RABGAP1L: variants seen among roughly 807,000 people sequenced by gnomAD.
RABGAP1L encodes the protein RAB GTPase activating protein 1 like, also known as rab GTPase-activating protein 1-like.
In RABGAP1L, 63 loss-of-function variants were observed where a neutral mutation model predicts 137.7. The ratio of observed to expected loss-of-function variants is 0.46; its 90% CI spans 0.37 to 0.56. The LOEUF is 0.56. Among genes scored for constraint, RABGAP1L ranks in the 20% least tolerant of loss-of-function variants. The pLI is 0.00. For synonymous variants in RABGAP1L, 431 were observed against 433.7 expected (o/e 0.99, Z 0.08); for missense variants, 1,095 against 1,244.0 (o/e 0.88, Z 1.80).
chr1:174,443,903 T>C (rs1654435695), intron 13 of RABGAP1L, among the ~76,000 whole-genome samples: 1 of 152,088 alleles, frequency 6.6e-6, no homozygotes, highest in South Asian at 2.1e-4. Context: ...CATATGGATA[T>C]CCAGTTTTTC....
In RABGAP1L at chr1:174,699,417, C is replaced by T. The variant is rs188379055; in HGVS notation, c.1900-108C>T. 4.1e-6 allele frequency: 4 copies of T among 970,556 alleles called. No homozygotes were observed. In the African/African-American group the frequency reaches 5.0e-5, roughly 12 times the overall value. 60.1% of individuals were successfully genotyped at this position (970,556 alleles called of 1,614,324 possible). A position where few individuals can be genotyped will look rare whatever the true frequency, so the allele number is the denominator to read the frequency against. On this transcript the variant is annotated intron_variant, in intron 15 of 25. Coordinates refer to ENST00000681986, the MANE Select transcript of RABGAP1L (RefSeq NM_001366446.1). ...CTGGCTCTGAAGGACTTCATTTGCT[C>T]CAGGCCTTCAGCTACTTATGCAGAG...
intron 13 of RABGAP1L, among the ~76,000 whole-genome samples, chr1:174,508,761 T>C (rs1435180701): frequency 6.6e-6 from 1 of 152,198 alleles, no homozygotes; most frequent in Non-Finnish European, 1.5e-5. Context: ...CATGTTTTTA[T>C]TTGTAAACTT....
rs75197825 is a variant in RABGAP1L at position 174,807,751 on chromosome 1, A to G, written c.2212-4081A>G. On this transcript the variant is annotated intron_variant, in intron 18 of 25. Coordinates refer to ENST00000681986, the MANE Select transcript of RABGAP1L (RefSeq NM_001366446.1). The stretch of plus-strand genomic sequence containing the variant: ...AATGAAATTAGCTGTATTGCAGCCC[A>G]TAAGAAAAATATAAGTTCTTCCAAC... 9.0e-3 allele frequency among the ~76,000 whole-genome samples: 1,375 copies of G among 152,222 alleles called. 25 individuals are homozygous for G. Among genetic ancestry groups the G allele is most frequent in the African/African-American group, 0.032 (1,327 of 41,528 alleles).
intron 12 of RABGAP1L, among the ~76,000 whole-genome samples, chr1:174,383,546 C>G (rs965335891): frequency 2.0e-5 from 3 of 152,118 alleles, no homozygotes; most frequent in East Asian, 3.9e-4. Flanking sequence ...GGGAGTGACC[C>G]GATTTTCCAG....
intron 13 of RABGAP1L, among the ~76,000 whole-genome samples, chr1:174,632,411 C>G (rs1326504383): frequency 6.7e-6 from 1 of 148,336 alleles, no homozygotes; most frequent in East Asian, 1.9e-4. Context: ...GTGGCATTCT[C>G]TGTATTTCCT....
intron 14 of RABGAP1L, among the ~76,000 whole-genome samples, chr1:174,679,650 C>G (rs938129615): frequency 6.6e-6 from 1 of 152,126 alleles, no homozygotes; most frequent in Admixed American, 6.5e-5. Context: ...CTAACATTCA[C>G]AAACAACATG....
At chr1:174,539,449 C>T (rs953592041) in intron 13 of RABGAP1L, among the ~76,000 whole-genome samples, 2 of 152,156 alleles carry the variant, frequency 1.3e-5, no homozygotes, top group Admixed American at 6.5e-5. Context: ...CCTGTCCCCA[C>T]ACCCCACAAC....
intron 19 of RABGAP1L, among the ~76,000 whole-genome samples, chr1:174,889,453 C>G (rs1284607365): frequency 6.6e-6 from 1 of 152,124 alleles, no homozygotes; most frequent in Admixed American, 6.5e-5. Context: ...CAGGTTCTCT[C>G]TCTGTTACCC....
At chr1:174,744,820 A>G (rs1310709847) in intron 17 of RABGAP1L, among the ~76,000 whole-genome samples, 12 of 152,200 alleles carry the variant, frequency 7.9e-5, no homozygotes, top group Non-Finnish European at 1.5e-5. Flanking sequence ...GACCAGAAAA[A>G]GGGCATTAGT....
intron 13 of RABGAP1L, among the ~76,000 whole-genome samples, chr1:174,611,664 G>A (rs1452117613): frequency 3.3e-5 from 5 of 151,012 alleles, no homozygotes; most frequent in Admixed American, 1.3e-4. Flanking sequence ...CCATTTTCAC[G>A]ATATTGATTC....
At chr1:174,948,366 C>T (rs1429705667) in intron 19 of RABGAP1L, among the ~76,000 whole-genome samples, 1 of 151,568 alleles carries the variant, frequency 6.6e-6, no homozygotes, top group Non-Finnish European at 1.5e-5. Flanking sequence ...ACAAAAAATA[C>T]AAAAAATTAG....
rs1390883727 is a variant in RABGAP1L, at chr1:174,254,318, A to T, written c.986+1728A>T. Among the ~76,000 whole-genome samples, 5 of 152,298 alleles carry T rather than the reference A, an allele frequency of 3.3e-5. No homozygotes were observed. In the East Asian group the frequency reaches 9.6e-4, roughly 29 times the overall value. Reference sequence around the variant, plus strand: ...TCTCTGAAATTGTAGTTTGTCTTATAATTGATGGCATTTTTTAAATACTTT... The same window carrying T: ...TCTCTGAAATTGTAGTTTGTCTTATTATTGATGGCATTTTTTAAATACTTT... On this transcript the variant is annotated intron_variant, in intron 7 of 25. Transcript: ENST00000681986.
intron 13 of RABGAP1L, among the ~76,000 whole-genome samples, chr1:174,531,749 T>C (rs372253122): frequency 1.4e-5 from 1 of 73,740 alleles, no homozygotes; most frequent in African/African-American, 3.5e-5. Flanking sequence ...GTCTCGGGGG[T>C]GGGGGGGGGG....
chr1:174,539,789 A>C (rs1665214801), intron 13 of RABGAP1L, among the ~76,000 whole-genome samples: 1 of 152,162 alleles, frequency 6.6e-6, no homozygotes, highest in South Asian at 2.1e-4. Flanking sequence ...ATGATTTATA[A>C]TCCTTCGGGT....
At chr1:174,818,653 A>G (rs1690689880) in intron 19 of RABGAP1L, among the ~76,000 whole-genome samples, 1 of 152,068 alleles carries the variant, frequency 6.6e-6, no homozygotes, top group South Asian at 2.1e-4. Flanking sequence ...AGGTAGGAGG[A>G]TCACCTGAAG....
chr1:174,282,416 A>T (rs1346556579), intron 10 of RABGAP1L, among the ~76,000 whole-genome samples: 1 of 152,138 alleles, frequency 6.6e-6, no homozygotes, highest in Non-Finnish European at 1.5e-5. Context: ...TCTTATGGTT[A>T]TTAATCATTC....
chr1:174,649,333 T>C (rs1413257869), intron 14 of RABGAP1L, among the ~76,000 whole-genome samples: 2 of 152,152 alleles, frequency 1.3e-5, no homozygotes, highest in African/African-American at 2.4e-5. Context: ...TTGCAGTGGC[T>C]GGTACCAGTT....
intron 19 of RABGAP1L, among the ~76,000 whole-genome samples, chr1:174,927,664 G>A (rs959611757): frequency 6.6e-6 from 1 of 152,176 alleles, no homozygotes; most frequent in Non-Finnish European, 1.5e-5. Flanking sequence ...CGATTTTCCT[G>A]CCTTGGCATC....
intron 13 of RABGAP1L, among the ~76,000 whole-genome samples, chr1:174,580,703 C>T (rs964987080): frequency 2.6e-5 from 4 of 152,022 alleles, no homozygotes; most frequent in South Asian, 2.1e-4. Context: ...ATGGGTGCAG[C>T]GCACCAACAT....
Sources: allele counts gnomAD v4.1 joint callset (sites outside exome capture counted in the v4.1 genomes callset), GRCh38; gene constraint gnomAD v4.1.1; transcripts MANE v1.5; gene names NCBI Gene and HGNC (gene_info 2026-07-23, HGNC 2026-07-21).